Variants in EXTL3 observed in about 807,000 individuals in gnomAD.
EXTL3 encodes exostosin-like 3.
In EXTL3, 27 loss-of-function variants were observed where a neutral mutation model predicts 69.3. That is an observed-to-expected ratio of 0.39 (90% CI 0.29 to 0.54). The LOEUF (loss-of-function observed/expected upper bound fraction) is 0.54, where lower values mean the gene tolerates loss of function less well. Among genes scored for constraint, EXTL3 ranks in the 20% least tolerant of loss-of-function variants. EXTL3 has a pLI of 0.69. For missense variants in EXTL3, 1,003 were observed against 1,231.8 expected (o/e 0.81, Z 2.78); for synonymous variants, 511 against 499.4 (o/e 1.02, Z -0.31).
intron 2 of EXTL3, among the ~76,000 whole-genome samples, chr8:28,614,105 T>C (rs1394933532): frequency 6.6e-6 from 1 of 152,026 alleles, no homozygotes; most frequent in African/African-American, 2.4e-5. Context: ...CCTAGGATTA[T>C]AGGCATGAGT....
At chr8:28,693,957 A>G (rs1316699732) in intron 1 of EXTL3, among the ~76,000 whole-genome samples, 2 of 152,238 alleles carry the variant, frequency 1.3e-5, no homozygotes, top group East Asian at 3.8e-4. Flanking sequence ...CAAATAGACT[A>G]AGTTCTTATC....
At chr8:28,668,182 G>T (rs151188285) in intron 1 of EXTL3, among the ~76,000 whole-genome samples, 1,594 of 150,156 alleles carry the variant, frequency 0.011, 12 homozygotes, top group Middle Eastern at 0.027. Flanking sequence ...TGAGAGGATT[G>T]CTCGAGCCCA....
At chr8:28,690,170 A>T (rs912673906) in intron 1 of EXTL3, among the ~76,000 whole-genome samples, 2 of 152,306 alleles carry the variant, frequency 1.3e-5, no homozygotes, top group South Asian at 2.1e-4. Context: ...ACTTTAATTT[A>T]AAAAATATTC....
At chr8:28,685,575 G>A (rs1259688400) in intron 1 of EXTL3, among the ~76,000 whole-genome samples, 8 of 151,964 alleles carry the variant, frequency 5.3e-5, no homozygotes, top group Non-Finnish European at 1.0e-4. Flanking sequence ...TGATCCTCCT[G>A]CCTCCGCTTC....
chr8:28,718,954 T>C (rs1801229927), intron 3 of EXTL3, among the ~76,000 whole-genome samples: 1 of 152,166 alleles, frequency 6.6e-6, no homozygotes, highest in African/African-American at 2.4e-5. Flanking sequence ...GAGTTTACCA[T>C]CTTCAGAATT....
In EXTL3 at chr8:28,714,620, TAAAA is replaced by T. The variant is rs543912920; in HGVS notation, c.-475-961_-475-958del. Among the ~76,000 whole-genome samples the T allele has an allele frequency of 1.5e-4, 23 of 152,290 alleles. No individual in the cohort carries two copies. In the South Asian group the frequency reaches 4.6e-3, roughly 30 times the overall value. ...TATGGTGAATATTTTTTGGAAGAAT[TAAAA>T]AAAGAAACCGGGAATATTCCCTGGC... On this transcript the variant is annotated intron_variant, in intron 2 of 6. Transcript: ENST00000220562.
At chr8:28,626,749 G>T (rs886069807) in intron 1 of EXTL3, among the ~76,000 whole-genome samples, 1 of 152,150 alleles carries the variant, frequency 6.6e-6, no homozygotes, top group Non-Finnish European at 1.5e-5. Flanking sequence ...TTTCATACAG[G>T]GCTCATTCTG....
At chr8:28,737,752 T>A (rs1212773839) in intron 5 of EXTL3, 89 bp downstream of exon 5, 2 of 1,355,978 alleles carry the variant, frequency 1.5e-6, no homozygotes, top group East Asian at 4.6e-5. Context: ...TTAGCTCTCC[T>A]AACGCTTCTT....
intron 1 of EXTL3, among the ~76,000 whole-genome samples, chr8:28,704,220 A>T (rs1415821339): frequency 6.6e-6 from 1 of 152,254 alleles, no homozygotes; most frequent in Non-Finnish European, 1.5e-5. Flanking sequence ...GCAGTGTAGG[A>T]TACTACTCAC....
chr8:28,702,929 T>C (rs1226277145), intron 1 of EXTL3, among the ~76,000 whole-genome samples: 1 of 152,218 alleles, frequency 6.6e-6, no homozygotes, highest in Non-Finnish European at 1.5e-5. Flanking sequence ...CGCTGTGACC[T>C]GTGTGCTGGG....
Position 28,746,740 on chromosome 8 carries a change from A to G in EXTL3, c.2550+3526A>G, listed in dbSNP as rs928426838. Among the ~76,000 whole-genome samples the G allele has an allele frequency of 9.2e-5, 14 of 152,222 alleles. No individual in the cohort carries two copies. The East Asian group carries it at 2.5e-3, about 27-fold the overall frequency. ...TGCTAGGCTGGAGTGCAGTGGTGCA[A>G]TCTCGGCTCACTGCAACCTCTGCCT... On this transcript the variant is annotated intron_variant, in intron 6 of 6. Coordinates refer to ENST00000220562, the MANE Select transcript of EXTL3 (RefSeq NM_001440.4).
chr8:28,654,981 A>T (rs1034721032), intron 1 of EXTL3, among the ~76,000 whole-genome samples: 2 of 152,248 alleles, frequency 1.3e-5, no homozygotes, highest in African/African-American at 4.8e-5. Flanking sequence ...AGGCAAAGCA[A>T]GGTGAGAAGA....
At chr8:28,673,456 T>C (rs1409497025) in intron 1 of EXTL3, among the ~76,000 whole-genome samples, 1 of 152,212 alleles carries the variant, frequency 6.6e-6, no homozygotes, top group East Asian at 1.9e-4. Context: ...TGCCCTGTTT[T>C]GGTTTCCTGC....
intron 1 of EXTL3, among the ~76,000 whole-genome samples, chr8:28,711,650 C>T (rs2130725100): frequency 6.6e-6 from 1 of 152,300 alleles, no homozygotes; most frequent in South Asian, 2.1e-4. Flanking sequence ...CATCCAGCTG[C>T]CTCCTGGCTC....
intron 1 of EXTL3, among the ~76,000 whole-genome samples, chr8:28,627,000 G>T (rs1165273427): frequency 5.3e-5 from 8 of 151,610 alleles, no homozygotes; most frequent in Non-Finnish European, 2.9e-5. Context: ...GGCTAACACG[G>T]TGAAACCCTG....
At chr8:28,731,071 C>T in intron 3 of EXTL3, 152 bp from the exon 4 acceptor site, 2 of 822,828 alleles carry the variant, frequency 2.4e-6, no homozygotes, top group Non-Finnish European at 4.1e-6. Context: ...AGCTTTTATT[C>T]CTGAAAGGCA....
At chr8:28,699,396 A>C (rs1800738350), upstream of EXTL3, 1 of 142,466 alleles carries the variant, frequency 7.0e-6, no homozygotes, top group Non-Finnish European at 1.6e-5. Flanking sequence ...AAGGAACAGG[A>C]GCTAGAGGAG....
chr8:28,608,993 T>C (rs1806238563), intron 2 of EXTL3, among the ~76,000 whole-genome samples: 1 of 152,150 alleles, frequency 6.6e-6, no homozygotes, highest in Non-Finnish European at 1.5e-5. Context: ...GGGTGGCTTC[T>C]TGTGTTGGGT....
At chr8:28,685,653 C>T (rs1807565041) in intron 1 of EXTL3, among the ~76,000 whole-genome samples, 1 of 151,798 alleles carries the variant, frequency 6.6e-6, no homozygotes, top group Non-Finnish European at 1.5e-5. Context: ...GAAATATTTT[C>T]AAATTTACAG....
Sources: gnomAD v4.1 joint callset for allele counts (sites outside exome capture counted in the v4.1 genomes callset) on GRCh38, gnomAD v4.1.1 for gene constraint, MANE v1.5 for transcripts, NCBI Gene and HGNC (gene_info 2026-07-23, HGNC 2026-07-21) for gene names.